The following DIAPH3 variants were observed in gnomAD, a reference collection of about 807,000 sequenced individuals.
DIAPH3 encodes protein diaphanous homolog 3.
Under a neutral mutation model 144.3 loss-of-function variants are expected in DIAPH3, and 117 were observed. The ratio of observed to expected loss-of-function variants is 0.81; its 90% confidence interval spans 0.70 to 0.95. DIAPH3 has a LOEUF of 0.95. Among genes scored for constraint, DIAPH3 ranks in the 40% least tolerant of loss-of-function variants. DIAPH3 has a pLI of 0.00. For missense variants in DIAPH3, 1,421 were observed against 1,412.7 expected, an observed-to-expected ratio of 1.01 and a Z score of -0.09; for synonymous variants, 519 against 488.9, an observed-to-expected ratio of 1.06 and a Z score of -0.81.
rs142564560 is a variant in DIAPH3, at chr13:60,139,860, G to A, written c.181-6871C>T. ...TGTACATATTTTAAGATGCCTCTTC[G>A]TCTATTTCAGTTCTTTTCACCTATA... is the stretch of plus-strand genomic sequence containing the variant. On this transcript the variant is annotated intron_variant, in intron 1 of 27. Coordinates refer to ENST00000400324, the MANE Select transcript of DIAPH3 (RefSeq NM_001042517.2). Among the ~76,000 whole-genome samples the A allele has an allele frequency of 4.3e-4, 66 of 152,152 alleles. No individual in the cohort carries two copies. The East Asian group carries it at 7.5e-3, about 17-fold the overall frequency.
intron 24 of DIAPH3, among the ~76,000 whole-genome samples, chr13:59,816,158 C>A (rs2040761905): frequency 6.6e-6 from 1 of 151,954 alleles, no homozygotes; most frequent in Non-Finnish European, 1.5e-5. Context: ...AGGATAAACT[C>A]AATTTGGACA....
chr13:59,782,091 G>A (rs1566301073), intron 25 of DIAPH3, among the ~76,000 whole-genome samples: 1 of 151,196 alleles, frequency 6.6e-6, no homozygotes, highest in Non-Finnish European at 1.5e-5. Context: ...TATAGCAGCA[G>A]GAAAAAACCA....
chr13:60,019,823 G>A (rs1340336002), intron 5 of DIAPH3, among the ~76,000 whole-genome samples: 2 of 152,072 alleles, frequency 1.3e-5, no homozygotes, highest in Non-Finnish European at 2.9e-5. Context: ...GAGCAATAGA[G>A]GCAACAATCA....
chr13:59,955,091 T>C (rs972249991), intron 17 of DIAPH3, among the ~76,000 whole-genome samples: 5 of 142,232 alleles, frequency 3.5e-5, no homozygotes, highest in African/African-American at 1.3e-4. Flanking sequence ...TATATATATA[T>C]ATACATGTAT....
At chr13:59,779,617 T>C (rs1841241962) in intron 25 of DIAPH3, among the ~76,000 whole-genome samples, 1 of 151,874 alleles carries the variant, frequency 6.6e-6, no homozygotes, top group Non-Finnish European at 1.5e-5. Context: ...GTCCAAGCGA[T>C]TCTCCTGTCT....
At chr13:59,753,336 T>G (rs1200388088) in intron 27 of DIAPH3, among the ~76,000 whole-genome samples, 1 of 152,226 alleles carries the variant, frequency 6.6e-6, no homozygotes, top group Non-Finnish European at 1.5e-5. Context: ...AGAGTGTTTA[T>G]AAATCACTAA....
rs2056629652 is a variant in DIAPH3 at position 60,058,229 on chromosome 13, A to T, written c.496-15409T>A. 1.3e-5 allele frequency among the ~76,000 whole-genome samples: 2 copies of T among 151,874 alleles called. 1 individual carries two copies. Among genetic ancestry groups the T allele is most frequent in the South Asian group, 4.1e-4 (2 of 4,826 alleles). On this transcript the variant is annotated intron_variant, in intron 4 of 27. Coordinates refer to ENST00000400324, the MANE Select transcript of DIAPH3 (RefSeq NM_001042517.2). ...AATTCCTTTAAAAAGTGGGCAAATGACATGAATAGACATTTCTGACACTTC... is the reference window on the plus strand; with the variant it reads ...AATTCCTTTAAAAAGTGGGCAAATGTCATGAATAGACATTTCTGACACTTC...
intron 1 of DIAPH3, among the ~76,000 whole-genome samples, chr13:60,156,940 T>TATATATATATATATA (rs58923567): frequency 2.5e-4 from 7 of 27,938 alleles, no homozygotes; most frequent in African/African-American, 4.7e-4. Flanking sequence ...TATATATATA[T>TATATATATATATATA]TTTTTTTTTT....
intron 18 of DIAPH3, among the ~76,000 whole-genome samples, chr13:59,920,089 G>A (rs1251938960): frequency 6.6e-6 from 1 of 151,834 alleles, no homozygotes; most frequent in East Asian, 1.9e-4. Context: ...CATACTATTA[G>A]AGAATAATCA....
chr13:60,068,442 A>C (rs2057061036), intron 4 of DIAPH3, among the ~76,000 whole-genome samples: 1 of 152,058 alleles, frequency 6.6e-6, no homozygotes, highest in Non-Finnish European at 1.5e-5. Flanking sequence ...ACTTATTTGA[A>C]TTTGTTCTTC....
At chr13:59,759,510 C>T (rs1440833241) in intron 27 of DIAPH3, among the ~76,000 whole-genome samples, 1 of 152,172 alleles carries the variant, frequency 6.6e-6, no homozygotes, top group African/African-American at 2.4e-5. Context: ...TCACTAAATA[C>T]ATTTCTTTCT....
At chr13:59,990,590 A>C (rs757001939) in intron 12 of DIAPH3, among the ~76,000 whole-genome samples, 1 of 151,908 alleles carries the variant, frequency 6.6e-6, no homozygotes, top group Non-Finnish European at 1.5e-5. Flanking sequence ...CATCTGCCTA[A>C]CAACCCAGTG....
chr13:59,933,147 C>G (rs2048100920), intron 17 of DIAPH3, among the ~76,000 whole-genome samples: 1 of 152,198 alleles, frequency 6.6e-6, no homozygotes, highest in South Asian at 2.1e-4. Flanking sequence ...GCTAGCCATG[C>G]TGGCAATACC....
intron 21 of DIAPH3, among the ~76,000 whole-genome samples, chr13:59,876,772 C>T (rs1333410590): frequency 2.6e-5 from 4 of 152,156 alleles, no homozygotes; most frequent in African/African-American, 9.7e-5. Context: ...GATGTAAAAC[C>T]TAAAGAGGAT....
intron 27 of DIAPH3, among the ~76,000 whole-genome samples, chr13:59,731,231 C>T (rs1309008848): frequency 1.3e-5 from 2 of 152,090 alleles, no homozygotes; most frequent in African/African-American, 4.8e-5. Context: ...GTAAAGTCTA[C>T]AAGGGCATGA....
chr13:60,153,320 T>C (rs916239858), intron 1 of DIAPH3: 4 of 152,124 alleles, frequency 2.6e-5, no homozygotes, highest in African/African-American at 7.2e-5. Flanking sequence ...GAGTTTTTAT[T>C]TTTTCTGCTG....
chr13:60,037,725 A>G (rs2055333933), intron 5 of DIAPH3, among the ~76,000 whole-genome samples: 1 of 152,064 alleles, frequency 6.6e-6, no homozygotes, highest in Non-Finnish European at 1.5e-5. Flanking sequence ...TAAATTAAAA[A>G]TTCAAAATGA....
intron 7 of DIAPH3, chr13:60,012,879 TA>T: frequency 2.0e-6 from 1 of 507,310 alleles, no homozygotes; most frequent in Non-Finnish European, 2.5e-6. Flanking sequence ...CTGATTTTGG[TA>T]ATGCAAAAAT....
intron 5 of DIAPH3, among the ~76,000 whole-genome samples, chr13:60,029,928 C>T (rs1002528549): frequency 5.3e-5 from 8 of 152,064 alleles, no homozygotes; most frequent in Non-Finnish European, 7.4e-5. Context: ...CATGGCCTGG[C>T]CACTGCCCAC....
Sources: gnomAD v4.1 joint callset for allele counts (sites outside exome capture counted in the v4.1 genomes callset) on GRCh38, gnomAD v4.1.1 for gene constraint, MANE v1.5 for transcripts, NCBI Gene and HGNC (gene_info 2026-07-23, HGNC 2026-07-21) for gene names.